Variants in ZDHHC11B observed in about 807,000 individuals in gnomAD.
ZDHHC11B encodes the protein zDHHC palmitoyltransferase 11B (putative).
ZDHHC11B carries 17 observed loss-of-function variants against 42.3 expected under a neutral mutation model. That is an observed-to-expected ratio of 0.40 (90% CI 0.27 to 0.60). The LOEUF (loss-of-function observed/expected upper bound fraction) is 0.60, where lower values mean the gene tolerates loss of function less well. Ranked by LOEUF, ZDHHC11B falls within the 20% of genes least tolerant of loss-of-function variation. The pLI is 0.41. For missense variants in ZDHHC11B, 262 were observed against 463.2 expected (o/e 0.57, Z 3.99); for synonymous variants, 123 against 193.5 (o/e 0.64, Z 3.02).
intron 1 of ZDHHC11B, among the ~76,000 whole-genome samples, chr5:779,326 T>C: frequency 6.7e-6 from 1 of 149,746 alleles, no homozygotes; most frequent in Non-Finnish European, 1.5e-5. Context: ...CCCCGGACTG[T>C]GTCAATTGTC....
Position 745,683 on chromosome 5 carries a change from T to TA in ZDHHC11B, c.785-386dup, listed in dbSNP as rs1185479455. ...GATGCCCTGGGATTGCTGGCAGGGG[T>TA]AAGAGGCCAGCTCAGGAGGGGCCGC... On this transcript the variant is annotated intron_variant, in intron 8 of 13. Coordinates refer to ENST00000508859, the MANE Select transcript of ZDHHC11B (RefSeq NM_001351303.2). 1.3e-5 allele frequency among the ~76,000 whole-genome samples: 2 copies of TA among 149,708 alleles called. 1 individual carries two copies. The highest frequency in any genetic ancestry group is 4.1e-4 in the East Asian group (2 of 4,874).
chr5:769,603 G>A (rs1451810424), intron 1 of ZDHHC11B, among the ~76,000 whole-genome samples: 4 of 151,794 alleles, frequency 2.6e-5, no homozygotes, highest in African/African-American at 9.7e-5. Flanking sequence ...CGTTCCTCAC[G>A]CGAGCCCGCG....
chr5:713,538 G>A (rs1349729937), intron 13 of ZDHHC11B, among the ~76,000 whole-genome samples: 1 of 151,982 alleles, frequency 6.6e-6, no homozygotes, highest in East Asian at 1.9e-4. Context: ...TCTTTGCTTT[G>A]TAGTTTTATT....
intron 1 of ZDHHC11B, among the ~76,000 whole-genome samples, chr5:776,882 G>A (rs1234176208): frequency 6.6e-6 from 1 of 151,870 alleles, no homozygotes; most frequent in African/African-American, 2.4e-5. Context: ...CACTATCATC[G>A]CACGGCCCTC....
chr5:766,575 G>A (rs1430279827), intron 4 of ZDHHC11B, 123 bp downstream of exon 4: 5 of 1,108,304 alleles, frequency 4.5e-6, no homozygotes, highest in East Asian at 2.6e-5. Flanking sequence ...GGGGGACATA[G>A]TCTGGCCCAG....
intron 12 of ZDHHC11B, among the ~76,000 whole-genome samples, chr5:730,032 G>T (rs1284416139): frequency 6.6e-6 from 1 of 151,386 alleles, no homozygotes; most frequent in Admixed American, 6.6e-5. Context: ...GTGGTGTGCA[G>T]TTGGGCTGGA....
chr5:754,120 T>C (rs1579364994), intron 6 of ZDHHC11B, among the ~76,000 whole-genome samples: 1 of 131,086 alleles, frequency 7.6e-6, no homozygotes, highest in African/African-American at 2.5e-5. Flanking sequence ...TCTATGAGTC[T>C]CCACTGTGCT....
At chr5:721,622 A>T (rs1179798857) in intron 12 of ZDHHC11B, among the ~76,000 whole-genome samples, 5 of 151,706 alleles carry the variant, frequency 3.3e-5, no homozygotes, top group African/African-American at 1.2e-4. Flanking sequence ...TATATGGAAC[A>T]TGTTGCTGAC....
At position 733,752 on chromosome 5, in the gene ZDHHC11B, C is replaced by T. The variant is rs747790111; in HGVS notation, c.1023G>A (p.Gln341=). 1.2e-6 allele frequency: 2 copies of T among 1,610,394 alleles called. No individual in the cohort carries two copies. Among genetic ancestry groups the T allele is most frequent in the East Asian group, 2.2e-5 (1 of 44,764 alleles). The change falls in exon 11 of 14, where the codon CAG becomes CAA. Residue 341 remains glutamine (Q), a splice_region_variant and synonymous_variant. Transcript: ENST00000508859. ...SVNQDGDSKA[Q]EADDAPSTST... Reference sequence around the variant, plus strand: ...TGCATTGCTGGTGACTGCAACTTACCTGTGCCTTCGAATCCCCGTCCTGGT... The same window carrying T: ...TGCATTGCTGGTGACTGCAACTTACTTGTGCCTTCGAATCCCCGTCCTGGT...
chr5:777,406 G>A (rs1460399588), intron 1 of ZDHHC11B, among the ~76,000 whole-genome samples: 2 of 151,836 alleles, frequency 1.3e-5, no homozygotes, highest in Non-Finnish European at 2.9e-5. Context: ...GGCCTCAAGA[G>A]CAAAGCTGCA....
chr5:778,260 T>C (rs1274007358), intron 1 of ZDHHC11B, among the ~76,000 whole-genome samples: 7 of 151,698 alleles, frequency 4.6e-5, no homozygotes, highest in African/African-American at 1.7e-4. Flanking sequence ...GGAATAGAGA[T>C]CCCGGCTGGC....
At chr5:771,187 G>T (rs1392209392) in intron 1 of ZDHHC11B, among the ~76,000 whole-genome samples, 1 of 151,864 alleles carries the variant, frequency 6.6e-6, no homozygotes, top group African/African-American at 2.4e-5. Context: ...AGCCCTCTCA[G>T]ATCTGGAGTT....
chr5:777,575 C>G (rs1281419101), intron 1 of ZDHHC11B, among the ~76,000 whole-genome samples: 2 of 151,964 alleles, frequency 1.3e-5, no homozygotes, highest in African/African-American at 4.8e-5. Flanking sequence ...CGGCTACCCG[C>G]TTTTATTCCG....
chr5:762,683 G>A (rs1285753692), intron 4 of ZDHHC11B, among the ~76,000 whole-genome samples: 2 of 151,712 alleles, frequency 1.3e-5, no homozygotes, highest in Non-Finnish European at 2.9e-5. Flanking sequence ...AAAATACATA[G>A]CTTTAAACAC....
intron 4 of ZDHHC11B, among the ~76,000 whole-genome samples, chr5:762,086 C>G (rs538661715): frequency 1.1e-4 from 17 of 151,202 alleles, no homozygotes; most frequent in African/African-American, 4.1e-4. Context: ...ACTCACAGCC[C>G]AGACAGCCAC....
intron 10 of ZDHHC11B, among the ~76,000 whole-genome samples, chr5:740,884 A>G (rs1469180345): frequency 1.1e-3 from 140 of 122,010 alleles, no homozygotes; most frequent in African/African-American, 3.7e-3. Context: ...TAATTGTAGT[A>G]AGGAAATGCA....
At chr5:774,572 T>C (rs1736313716) in intron 1 of ZDHHC11B, among the ~76,000 whole-genome samples, 2 of 64,848 alleles carry the variant, frequency 3.1e-5, no homozygotes, top group South Asian at 5.1e-4. Flanking sequence ...AACTACGGCC[T>C]GGGGTCTGTC....
chr5:770,864 G>T lies in ZDHHC11B; in HGVS notation c.-229-1934C>A, dbSNP rs560418219. On this transcript the variant is annotated intron_variant, in intron 1 of 13. Transcript: ENST00000508859. ...GCCCGCCCCCAGAGCAGGTGGCTGG[G>T]CTGTGGGGCTAAGATTGAGGGGTGC... Among the ~76,000 whole-genome samples the T allele has an allele frequency of 7.2e-5, 11 of 152,056 alleles. 1 individual carries two copies. The East Asian group carries it at 2.1e-3, about 29-fold the overall frequency.
At chr5:773,609 C>T (rs1212481547) in intron 1 of ZDHHC11B, among the ~76,000 whole-genome samples, 3 of 151,980 alleles carry the variant, frequency 2.0e-5, no homozygotes, top group African/African-American at 4.8e-5. Context: ...TGTGCACCTG[C>T]ACCCTCTCCC....
Sources: gnomAD v4.1 joint callset for allele counts (sites outside exome capture counted in the v4.1 genomes callset) on GRCh38, gnomAD v4.1.1 for gene constraint, MANE v1.5 for transcripts, NCBI Gene and HGNC (gene_info 2026-07-23, HGNC 2026-07-21) for gene names.